HIBADH: variants seen among roughly 807,000 people sequenced by gnomAD.
HIBADH encodes 3-hydroxyisobutyrate dehydrogenase, also known as 3-hydroxyisobutyrate dehydrogenase, mitochondrial.
A neutral mutation model predicts 36.1 loss-of-function variants in HIBADH; 25 were observed. That is an observed-to-expected ratio of 0.69 (90% CI 0.50 to 0.97). The LOEUF (loss-of-function observed/expected upper bound fraction) is 0.97. Ranked by LOEUF, HIBADH falls within the 50% of genes least tolerant of loss-of-function variation. The probability of loss-of-function intolerance (pLI) is 0.00; values close to 1 mark genes in which losing one functional copy is unlikely to be tolerated. For synonymous variants in HIBADH, 160 were observed against 149.5 expected (o/e 1.07, Z -0.51); for missense variants, 421 against 418.0 (o/e 1.01, Z -0.06).
At chr7:27,600,642 T>C (rs1785114906) in intron 4 of HIBADH, among the ~76,000 whole-genome samples, 1 of 152,112 alleles carries the variant, frequency 6.6e-6, no homozygotes, top group African/African-American at 2.4e-5. Context: ...TAAGCATTTC[T>C]AGAAACAATT....
chr7:27,556,538 C>A (rs1280613877), intron 4 of HIBADH, among the ~76,000 whole-genome samples: 2 of 152,060 alleles, frequency 1.3e-5, no homozygotes, highest in African/African-American at 4.8e-5. Context: ...ATTTCTTTGG[C>A]CTTCTTACAC....
intron 4 of HIBADH, among the ~76,000 whole-genome samples, chr7:27,599,680 C>CAAA (rs3072889): frequency 0.13 from 5,320 of 40,128 alleles, 831 homozygotes; most frequent in African/African-American, 0.3. Flanking sequence ...ACTCTGTCTC[C>CAAA]AAAAAAAAAA....
At chr7:27,566,245 TAAG>T (rs989478460) in intron 4 of HIBADH, among the ~76,000 whole-genome samples, 4 of 152,106 alleles carry the variant, frequency 2.6e-5, no homozygotes, top group Non-Finnish European at 4.4e-5. Context: ...TTTCTTTAAA[TAAG>T]AAGAAATGTG....
intron 1 of HIBADH, among the ~76,000 whole-genome samples, chr7:27,652,070 ACACTATG>A (rs1339185462): frequency 1.3e-5 from 2 of 152,226 alleles, no homozygotes; most frequent in African/African-American, 4.8e-5. Context: ...TACATGCCAG[ACACTATG>A]CTAAGCACTT....
chr7:27,612,656 A>G (rs1785341974), intron 4 of HIBADH, among the ~76,000 whole-genome samples: 1 of 151,012 alleles, frequency 6.6e-6, no homozygotes, highest in Non-Finnish European at 1.5e-5. Flanking sequence ...AGGCTCAGCC[A>G]GACACAGGGG....
chr7:27,613,875 G>T (rs974184919), intron 4 of HIBADH, among the ~76,000 whole-genome samples: 2 of 152,020 alleles, frequency 1.3e-5, no homozygotes, highest in Non-Finnish European at 2.9e-5. Context: ...GGCCAGGCTG[G>T]TCTCAAACTC....
At chr7:27,647,386 T>C (rs906078520) in intron 2 of HIBADH, among the ~76,000 whole-genome samples, 18 of 152,220 alleles carry the variant, frequency 1.2e-4, no homozygotes, top group African/African-American at 4.3e-4. Flanking sequence ...CAGACCACAT[T>C]TGACCATAGG....
intron 7 of HIBADH, among the ~76,000 whole-genome samples, chr7:27,527,821 G>A (rs1783927343): frequency 6.9e-6 from 1 of 145,588 alleles, no homozygotes; most frequent in African/African-American, 2.6e-5. Flanking sequence ...CGCAATCTTG[G>A]CTCACAGCAA....
At chr7:27,599,256 G>A (rs894267630) in intron 4 of HIBADH, among the ~76,000 whole-genome samples, 6 of 152,094 alleles carry the variant, frequency 3.9e-5, no homozygotes, top group Non-Finnish European at 8.8e-5. Flanking sequence ...TGAACTTAAA[G>A]AAGGATTAAA....
intron 4 of HIBADH, among the ~76,000 whole-genome samples, chr7:27,627,151 C>T (rs1359595812): frequency 6.6e-6 from 1 of 152,142 alleles, no homozygotes; most frequent in African/African-American, 2.4e-5. Flanking sequence ...CACCTGCTCC[C>T]CCATTGTTCC....
intron 4 of HIBADH, among the ~76,000 whole-genome samples, chr7:27,544,902 C>A (rs1784213650): frequency 6.6e-6 from 1 of 152,124 alleles, no homozygotes; most frequent in Non-Finnish European, 1.5e-5. Flanking sequence ...GTTGCTTAAG[C>A]AAGAGAAGAC....
At chr7:27,541,894 G>A (rs1358633480) in intron 5 of HIBADH, 3 of 291,610 alleles carry the variant, frequency 1.0e-5, no homozygotes, top group Non-Finnish European at 1.3e-5. Flanking sequence ...TGTAACACTT[G>A]AGTTCACTGC....
chr7:27,637,208 A>G (rs1370527404), intron 2 of HIBADH, among the ~76,000 whole-genome samples: 3 of 152,218 alleles, frequency 2.0e-5, no homozygotes, highest in Non-Finnish European at 4.4e-5. Flanking sequence ...ATTTTATATA[A>G]GAATAAGAAA....
chr7:27,582,077 C>T (rs879257162), intron 4 of HIBADH, among the ~76,000 whole-genome samples: 7 of 152,136 alleles, frequency 4.6e-5, no homozygotes, highest in Non-Finnish European at 8.8e-5. Flanking sequence ...TTAGGATTAA[C>T]AGTCTCTTTT....
At chr7:27,645,164 T>C (rs1028697968) in intron 2 of HIBADH, among the ~76,000 whole-genome samples, 1 of 152,246 alleles carries the variant, frequency 6.6e-6, no homozygotes, top group Admixed American at 6.5e-5. Flanking sequence ...CTTGGGTATA[T>C]AGCTAGGTGT....
intron 6 of HIBADH, among the ~76,000 whole-genome samples, chr7:27,531,594 A>G (rs1784002577): frequency 6.6e-6 from 1 of 152,224 alleles, no homozygotes; most frequent in South Asian, 2.1e-4. Flanking sequence ...ATGTTATCCT[A>G]TTATTAAGAA....
At chr7:27,569,109 T>C (rs1309749269) in intron 4 of HIBADH, among the ~76,000 whole-genome samples, 1 of 152,194 alleles carries the variant, frequency 6.6e-6, no homozygotes, top group East Asian at 1.9e-4. Context: ...CTTTTCTTTG[T>C]CACAAGCACT....
intron 1 of HIBADH, among the ~76,000 whole-genome samples, chr7:27,657,491 A>G (rs1277774915): frequency 6.6e-6 from 1 of 152,152 alleles, no homozygotes; most frequent in Non-Finnish European, 1.5e-5. Context: ...AATCTCAGCA[A>G]GAGAATCACT....
intron 4 of HIBADH, among the ~76,000 whole-genome samples, chr7:27,583,555 ATT>A (rs1784821162): frequency 6.6e-6 from 1 of 152,020 alleles, no homozygotes; most frequent in Non-Finnish European, 1.5e-5. Flanking sequence ...TAATTCATGT[ATT>A]GTTTCAAAAC....
Sources: gnomAD v4.1 joint callset for allele counts (sites outside exome capture counted in the v4.1 genomes callset) on GRCh38, gnomAD v4.1.1 for gene constraint, MANE v1.5 for transcripts, NCBI Gene and HGNC (gene_info 2026-07-23, HGNC 2026-07-21) for gene names.